The following APLF variants were observed in gnomAD, a reference collection of about 807,000 sequenced individuals.
APLF encodes the protein aprataxin and PNKP like factor, also known as aprataxin and PNK-like factor.
In APLF, 61 loss-of-function variants were observed where a neutral mutation model predicts 55.6. The observed-to-expected ratio is 1.10, with a 90% CI of 0.89 to 1.36. APLF has a LOEUF of 1.36. Among genes scored for constraint, APLF ranks in the 40% most tolerant of loss-of-function variants. APLF has a pLI of 0.00. For synonymous variants in APLF, 207 were observed against 214.8 expected, an observed-to-expected ratio of 0.96 and a Z score of 0.32; for missense variants, 611 against 602.5, an observed-to-expected ratio of 1.01 and a Z score of -0.15.
At chr2:68,500,611 T>G (rs545481226) in intron 2 of APLF, among the ~76,000 whole-genome samples, 1 of 152,360 alleles carries the variant, frequency 6.6e-6, no homozygotes, top group African/African-American at 2.4e-5. Context: ...TTTAAAATGC[T>G]CATGAATGAG....
chr2:68,483,172 AG>A (rs1298177865), intron 1 of APLF, among the ~76,000 whole-genome samples: 2 of 152,156 alleles, frequency 1.3e-5, no homozygotes, highest in East Asian at 3.8e-4. Context: ...GTAGCAGCTT[AG>A]GTCATGCAAG....
chr2:68,528,816 T>C, intron 6 of APLF: 1 of 1,497,192 alleles, frequency 6.7e-7, no homozygotes. Context: ...TTGTTTTCTG[T>C]CAAGCTCTTG....
chr2:68,518,627 TATA>T (rs61723736), intron 5 of APLF, among the ~76,000 whole-genome samples: 20,447 of 118,414 alleles, frequency 0.17, 2,220 homozygotes, highest in East Asian at 0.28. Context: ...ATCATGAATA[TATA>T]ATAATATATC....
intron 1 of APLF, among the ~76,000 whole-genome samples, chr2:68,478,681 T>G (rs1044416864): frequency 2.6e-5 from 4 of 152,136 alleles, no homozygotes; most frequent in African/African-American, 9.7e-5. Context: ...GATGTCTGTC[T>G]GAACAGGTTT....
chr2:68,545,069 C>A, intron 7 of APLF, 118 bp from the exon 8 acceptor site: 1 of 1,176,768 alleles, frequency 8.5e-7, no homozygotes, highest in Non-Finnish European at 1.2e-6. Context: ...ATCAATGTAG[C>A]ATGTTGGTTT....
chr2:68,484,053 C>T (rs1158770831), intron 1 of APLF, among the ~76,000 whole-genome samples: 1 of 152,112 alleles, frequency 6.6e-6, no homozygotes, highest in Non-Finnish European at 1.5e-5. Flanking sequence ...TTGAGAATTG[C>T]AGTCAAACAA....
At chr2:68,518,340 A>C (rs1299307732) in intron 5 of APLF, among the ~76,000 whole-genome samples, 2 of 113,060 alleles carry the variant, frequency 1.8e-5, no homozygotes, top group East Asian at 5.0e-4. Flanking sequence ...ATTAATAAAT[A>C]ATTATATATT....
At chr2:68,530,552 T>A (rs959821333) in intron 6 of APLF, among the ~76,000 whole-genome samples, 2 of 152,224 alleles carry the variant, frequency 1.3e-5, no homozygotes, top group Non-Finnish European at 2.9e-5. Context: ...TTATTCCATA[T>A]GGATAAAAGT....
chr2:68,533,988 A>G (rs1021854587), intron 6 of APLF, among the ~76,000 whole-genome samples: 2 of 152,188 alleles, frequency 1.3e-5, no homozygotes, highest in African/African-American at 4.8e-5. Context: ...GAGGTAAGGG[A>G]AGAGATTGTG....
chr2:68,563,405 GA>G, intron 8 of APLF: 1 of 964,866 alleles, frequency 1.0e-6, no homozygotes, highest in Non-Finnish European at 1.2e-6. Flanking sequence ...TCCTAAGTAG[GA>G]TGTGAGGTTG....
chr2:68,556,829 T>C (rs989908877), intron 8 of APLF, among the ~76,000 whole-genome samples: 10 of 152,152 alleles, frequency 6.6e-5, no homozygotes, highest in Non-Finnish European at 1.3e-4. Flanking sequence ...AGGAGGTGTG[T>C]CAGTTATCAA....
intron 6 of APLF, among the ~76,000 whole-genome samples, chr2:68,532,488 AT>A (rs199704321): frequency 0.012 from 1,769 of 152,306 alleles, 22 homozygotes; most frequent in Admixed American, 0.033. Context: ...CTACTGTTGT[AT>A]CATCATTGAA....
intron 8 of APLF, among the ~76,000 whole-genome samples, chr2:68,550,636 CTT>C (rs1670833793): frequency 6.6e-6 from 1 of 151,758 alleles, no homozygotes; most frequent in South Asian, 2.1e-4. Flanking sequence ...CTCTTTTTGA[CTT>C]ATTTTGGATT....
At chr2:68,504,338 C>G (rs1256193291) in intron 3 of APLF, among the ~76,000 whole-genome samples, 1 of 151,754 alleles carries the variant, frequency 6.6e-6, no homozygotes, top group South Asian at 2.1e-4. Context: ...TAAAATCAGA[C>G]AAGATTTTAC....
intron 2 of APLF, among the ~76,000 whole-genome samples, chr2:68,501,097 C>T (rs755747374): frequency 3.3e-5 from 5 of 152,116 alleles, no homozygotes; most frequent in African/African-American, 1.2e-4. Flanking sequence ...AAATAATGGC[C>T]GACCAAATTT....
chr2:68,502,166 C>T (rs6715340), intron 2 of APLF, among the ~76,000 whole-genome samples: 18,664 of 152,108 alleles, frequency 0.12, 3,432 homozygotes, highest in African/African-American at 0.4. Flanking sequence ...CCCTTATGAC[C>T]TACATGTTAA....
At chr2:68,496,436 C>T (rs1268442287) in intron 2 of APLF, among the ~76,000 whole-genome samples, 3 of 152,120 alleles carry the variant, frequency 2.0e-5, no homozygotes, top group Admixed American at 6.5e-5. Flanking sequence ...ACATATCTCT[C>T]TAGCAAGTGG....
intron 2 of APLF, among the ~76,000 whole-genome samples, chr2:68,494,277 CAAAAAAAAAAAAA>C (rs59466460): frequency 7.3e-3 from 364 of 49,562 alleles, no homozygotes; most frequent in Middle Eastern, 0.038. Flanking sequence ...GACCCCGTCT[CAAAAAAAAAAAAA>C]AAAAAAAAAA....
intron 8 of APLF, among the ~76,000 whole-genome samples, chr2:68,559,639 G>T (rs1671112703): frequency 6.6e-6 from 1 of 151,952 alleles, no homozygotes; most frequent in African/African-American, 2.4e-5. Flanking sequence ...AGCAGTCCTT[G>T]CCATTCCAAC....
Sources: allele counts gnomAD v4.1 joint callset (sites outside exome capture counted in the v4.1 genomes callset), GRCh38; gene constraint gnomAD v4.1.1; transcripts MANE v1.5; gene names NCBI Gene and HGNC (gene_info 2026-07-23, HGNC 2026-07-21).